Variants in CKAP5 observed in about 807,000 individuals in gnomAD.
CKAP5 encodes the protein cytoskeleton associated protein 5, also known as cytoskeleton-associated protein 5.
A neutral mutation model predicts 232.8 loss-of-function variants in CKAP5; 27 were observed. That is an observed-to-expected ratio of 0.12 (90% CI 0.09 to 0.16). The LOEUF (loss-of-function observed/expected upper bound fraction) is 0.16. Among genes scored for constraint, CKAP5 ranks in the 10% least tolerant of loss-of-function variants. The pLI is 1.00. For synonymous variants in CKAP5, 785 were observed against 841.1 expected (o/e 0.93, Z 1.16); for missense variants, 1,838 against 2,424.7 (o/e 0.76, Z 5.08).
chr11:46,757,775 A>G (rs1399450206), intron 35 of CKAP5, among the ~76,000 whole-genome samples: 1 of 148,828 alleles, frequency 6.7e-6, no homozygotes, highest in African/African-American at 2.5e-5. Context: ...TTTAGTAGAG[A>G]CGGGGTTTCA....
intron 3 of CKAP5, 34 bp from the exon 4 acceptor site, chr11:46,816,438 T>G (rs773261209): frequency 6.4e-7 from 1 of 1,573,630 alleles, no homozygotes; most frequent in East Asian, 2.2e-5. Context: ...AAATCCCACT[T>G]AAGTAGTAAG....
chr11:46,788,219 T>C (rs1217500424), intron 16 of CKAP5, among the ~76,000 whole-genome samples: 1 of 152,182 alleles, frequency 6.6e-6, no homozygotes, highest in Non-Finnish European at 1.5e-5. Flanking sequence ...ATCACCACAT[T>C]GTTCAAGAGT....
intron 4 of CKAP5, among the ~76,000 whole-genome samples, chr11:46,811,730 G>A (rs1259087829): frequency 1.3e-5 from 2 of 152,102 alleles, no homozygotes; most frequent in African/African-American, 2.4e-5. Context: ...ACCCGCCTCA[G>A]CCTCCTAAAG....
chr11:46,770,281 G>C (rs1315600009), intron 25 of CKAP5, 183 bp from the exon 26 acceptor site: 1 of 629,952 alleles, frequency 1.6e-6, no homozygotes, highest in African/African-American at 1.8e-5. Flanking sequence ...CACTAAGGTA[G>C]GTATCATTCT....
chr11:46,838,210 C>T (rs956569987), intron 1 of CKAP5, among the ~76,000 whole-genome samples: 19 of 152,114 alleles, frequency 1.2e-4, no homozygotes, highest in East Asian at 3.8e-4. Flanking sequence ...TTGACTAGTA[C>T]CTCTCAAAAC....
chr11:46,795,465 G>A, intron 13 of CKAP5, 129 bp downstream of exon 13: 1 of 696,734 alleles, frequency 1.4e-6, no homozygotes, highest in Non-Finnish European at 2.3e-6. Flanking sequence ...TTCATTAACA[G>A]ATTTTCTGCT....
chr11:46,772,965 C>T (rs1381195927), intron 24 of CKAP5, among the ~76,000 whole-genome samples: 8 of 152,152 alleles, frequency 5.3e-5, no homozygotes, highest in African/African-American at 1.9e-4. Flanking sequence ...TGGTCTCGAT[C>T]TCTTGACCTC....
At chr11:46,784,311 C>T (rs991032594) in intron 17 of CKAP5, among the ~76,000 whole-genome samples, 177 bp downstream of exon 17, 1 of 151,800 alleles carries the variant, frequency 6.6e-6, no homozygotes, top group Non-Finnish European at 1.5e-5. Flanking sequence ...TGCAGTGAGC[C>T]GAGATTGCAC....
At chr11:46,796,574 A>G (rs993213092) in intron 12 of CKAP5, among the ~76,000 whole-genome samples, 2 of 152,232 alleles carry the variant, frequency 1.3e-5, no homozygotes, top group African/African-American at 2.4e-5. Context: ...TCCTGAGGTG[A>G]TATCAGCATT....
Position 46,809,796 on chromosome 11 carries a change from C to T in CKAP5, c.709G>A (p.Glu237Lys). Residue 237 changes from glutamate to lysine, a missense_variant, in exon 6 of 44, where the codon GAA (glutamate) becomes AAA (lysine). Coordinates refer to ENST00000529230, the MANE Select transcript of CKAP5 (RefSeq NM_001008938.4). The stretch of plus-strand genomic sequence containing the variant: ...TGTTGTTCCAATTTAGCTTCTAGTT[C>T]TTGTTGGGAACGAAGAAATCGAGTA... Reference protein sequence around the residue: ...RPTRFLRSQQELEAKLEQQQS... With the variant: ...RPTRFLRSQQKLEAKLEQQQS... The T allele has an allele frequency of 6.2e-7, 1 of 1,614,048 alleles. No homozygotes were observed. Among genetic ancestry groups the T allele is most frequent in the Non-Finnish European group, 8.5e-7 (1 of 1,179,996 alleles).
rs2065364303 is a variant in CKAP5, at chr11:46,783,969, G to A, written c.2154+519C>T. ...CATCCTCCTGCCTCGGCCTCCCAAA[G>A]TGCTGGGATTGCAGGTGTGAGCCTC... On this transcript the variant is annotated intron_variant, in intron 17 of 43. Transcript: ENST00000529230. Among the ~76,000 whole-genome samples, 3 of 151,596 alleles carry A rather than the reference G, an allele frequency of 2.0e-5. No individual in the cohort carries two copies. The South Asian group carries it at 6.3e-4, about 32-fold the overall frequency.
In CKAP5 at chr11:46,761,984, C is replaced by A; in HGVS notation, c.4221+16G>T. On this transcript the variant is annotated intron_variant, in intron 32 of 43. Transcript: ENST00000529230. Reference sequence around the variant, plus strand: ...CTTTTCACGACATGCTGACAGTGTTCAGAGAAGTCACTCACATTTCCAATC... The same window carrying A: ...CTTTTCACGACATGCTGACAGTGTTAAGAGAAGTCACTCACATTTCCAATC... 1.3e-6 allele frequency: 2 copies of A among 1,595,090 alleles called. No individual in the cohort carries two copies. The highest frequency in any genetic ancestry group is 1.1e-5 in the South Asian group (1 of 89,728).
intron 13 of CKAP5, among the ~76,000 whole-genome samples, chr11:46,794,575 T>C (rs1440593065): frequency 2.0e-5 from 3 of 152,092 alleles, no homozygotes; most frequent in Non-Finnish European, 2.9e-5. Flanking sequence ...TGGTGGCTCA[T>C]GCCTGTAACC....
At chr11:46,785,858 T>A (rs1276485816) in intron 16 of CKAP5, among the ~76,000 whole-genome samples, 1 of 152,076 alleles carries the variant, frequency 6.6e-6, no homozygotes, top group African/African-American at 2.4e-5. Context: ...GGTGGGAGGA[T>A]CACTTGAACC....
At chr11:46,835,297 TA>T (rs1939889397) in intron 1 of CKAP5, among the ~76,000 whole-genome samples, 1 of 151,976 alleles carries the variant, frequency 6.6e-6, no homozygotes, top group Admixed American at 6.6e-5. Context: ...TGAGAAGGCC[TA>T]GAAACACTGA....
At chr11:46,751,640 G>T (rs758660015) in intron 38 of CKAP5, 106 bp from the exon 39 acceptor site, 28 of 944,054 alleles carry the variant, frequency 3.0e-5, no homozygotes, top group South Asian at 2.2e-4. Flanking sequence ...GATGGCCAGG[G>T]CTATAAATGT....
intron 1 of CKAP5, among the ~76,000 whole-genome samples, chr11:46,834,945 C>G (rs1181078611): frequency 6.6e-6 from 1 of 151,264 alleles, no homozygotes; most frequent in Non-Finnish European, 1.5e-5. Flanking sequence ...AGCTGGGCCA[C>G]AGGCATGCAC....
At chr11:46,763,356 A>C (rs894181493) in intron 29 of CKAP5, 125 bp downstream of exon 29, 31 of 1,004,692 alleles carry the variant, frequency 3.1e-5, no homozygotes, top group Non-Finnish European at 4.2e-5. Context: ...AAATAACAAG[A>C]CAGCTCTAAA....
chr11:46,790,425 C>A, intron 14 of CKAP5, 45 bp downstream of exon 14: 1 of 1,374,490 alleles, frequency 7.3e-7, no homozygotes, highest in Non-Finnish European at 1.0e-6. Flanking sequence ...ATTGGTCTCA[C>A]TTTGCAGGGT....
Sources: allele counts gnomAD v4.1 joint callset (sites outside exome capture counted in the v4.1 genomes callset), GRCh38; gene constraint gnomAD v4.1.1; transcripts MANE v1.5; gene names NCBI Gene and HGNC (gene_info 2026-07-23, HGNC 2026-07-21).